The following LRRIQ1 variants were observed in gnomAD, a reference collection of about 807,000 sequenced individuals.
LRRIQ1 encodes leucine-rich repeat- and IQ domain-containing protein 1.
LRRIQ1 carries 210 observed loss-of-function variants against 211.9 expected under a neutral mutation model. The ratio of observed to expected loss-of-function variants is 0.99; its 90% CI spans 0.89 to 1.11. The LOEUF is 1.11. LRRIQ1 is among the 50% of genes most tolerant of loss of function. LRRIQ1 has a pLI of 0.00. For synonymous variants in LRRIQ1, 699 were observed against 650.1 expected (o/e 1.08, Z -1.14); for missense variants, 2,136 against 1,939.5 (o/e 1.10, Z -1.90).
intron 24 of LRRIQ1, among the ~76,000 whole-genome samples, chr12:85,192,481 A>G (rs912105956): frequency 2.4e-5 from 3 of 127,634 alleles, no homozygotes; most frequent in African/African-American, 8.9e-5. Context: ...ATAAATATAT[A>G]TAGTTATATA....
intron 25 of LRRIQ1, 81 bp downstream of exon 25, chr12:85,229,730 C>T: frequency 9.1e-6 from 13 of 1,423,134 alleles, no homozygotes; most frequent in Non-Finnish European, 1.3e-5. Flanking sequence ...TGTGCTAAAA[C>T]AAACATGACT....
rs1895971153 is a variant in LRRIQ1, at chr12:85,252,384, A to G, written c.121+7475A>G. On this transcript the variant is annotated intron_variant, in intron 1 of 1. Coordinates refer to the LRRIQ1 transcript ENST00000602731. ...ACTTTTTAGGAAAATGTTGTTTGTA[A>G]TTGAAAATTAAAGACGCTGAGGAAG... 6.6e-5 allele frequency among the ~76,000 whole-genome samples: 10 copies of G among 152,050 alleles called. No homozygotes were observed. In the South Asian group the frequency reaches 2.1e-3, roughly 32 times the overall value.
chr12:85,125,625 A>G (rs1355237663), intron 17 of LRRIQ1, among the ~76,000 whole-genome samples: 1 of 152,118 alleles, frequency 6.6e-6, no homozygotes, highest in Non-Finnish European at 1.5e-5. Context: ...GTAAAGAGTA[A>G]TTTTTATTAC....
chr12:85,128,132 A>T, intron 18 of LRRIQ1, 99 bp downstream of exon 18: 1 of 914,154 alleles, frequency 1.1e-6, no homozygotes, highest in South Asian at 1.6e-5. Flanking sequence ...CTCAGTGATT[A>T]CAGTTATGTA....
Position 85,172,264 on chromosome 12 carries a change from C to A in LRRIQ1, c.4822+11550C>A, listed in dbSNP as rs575883566. Among the ~76,000 whole-genome samples, 11 of 152,258 alleles carry A rather than the reference C, an allele frequency of 7.2e-5. No homozygotes were observed. The East Asian group carries it at 1.9e-3, about 27-fold the overall frequency. ...CTGTATCAGGTACCCCCCTACCTGT[C>A]TCATAGGACACTCTGTATTTCTGGA... On this transcript the variant is annotated intron_variant, in intron 24 of 26. Coordinates refer to ENST00000393217, the MANE Select transcript of LRRIQ1 (RefSeq NM_001079910.2).
intron 1 of LRRIQ1, among the ~76,000 whole-genome samples, chr12:85,253,715 C>T (rs1304869888): frequency 1.3e-5 from 2 of 151,824 alleles, no homozygotes. Context: ...CACAAATGGA[C>T]ACACACACAC....
At chr12:85,128,335 C>G (rs558207325) in intron 18 of LRRIQ1, among the ~76,000 whole-genome samples, 1 of 152,114 alleles carries the variant, frequency 6.6e-6, no homozygotes, top group Non-Finnish European at 1.5e-5. Context: ...TGTGGTGGCT[C>G]AAGCCTGTAA....
At chr12:85,095,405 G>T (rs1255226475) in intron 11 of LRRIQ1, among the ~76,000 whole-genome samples, 1 of 152,052 alleles carries the variant, frequency 6.6e-6, no homozygotes, top group African/African-American at 2.4e-5. Context: ...TGCTTATGTG[G>T]TGAATTACAT....
chr12:85,041,380 A>G (rs1878863399), intron 3 of LRRIQ1, among the ~76,000 whole-genome samples: 1 of 151,538 alleles, frequency 6.6e-6, no homozygotes, highest in Non-Finnish European at 1.5e-5. Context: ...CAAATATGCA[A>G]TATTTCAATA....
At chr12:85,071,379 C>T (rs994743052) in intron 10 of LRRIQ1, among the ~76,000 whole-genome samples, 18 of 151,720 alleles carry the variant, frequency 1.2e-4, no homozygotes, top group African/African-American at 4.4e-4. Flanking sequence ...ATTATTTTTC[C>T]ATAGCTACTT....
At chr12:85,057,257 TAGAAAA>T in intron 8 of LRRIQ1, 73 bp downstream of exon 8, 1 of 1,080,884 alleles carries the variant, frequency 9.3e-7, no homozygotes, top group Non-Finnish European at 1.3e-6. Flanking sequence ...TTTCAGATCT[TAGAAAA>T]AGAAATATTT....
At chr12:85,066,714 A>T in intron 9 of LRRIQ1, 34 bp from the exon 10 acceptor site, 1 of 1,545,004 alleles carries the variant, frequency 6.5e-7, no homozygotes, top group Non-Finnish European at 8.7e-7. Context: ...TAAGCCATTG[A>T]AATAAAACTA....
At chr12:85,165,810 A>G (rs1177916449) in intron 24 of LRRIQ1, among the ~76,000 whole-genome samples, 2 of 152,046 alleles carry the variant, frequency 1.3e-5, no homozygotes, top group Non-Finnish European at 2.9e-5. Context: ...TCCATGGTAT[A>G]TATGTTCCAC....
At chr12:85,109,478 G>T (rs1390103382) in intron 15 of LRRIQ1, among the ~76,000 whole-genome samples, 1 of 152,066 alleles carries the variant, frequency 6.6e-6, no homozygotes, top group African/African-American at 2.4e-5. Context: ...GGGAAATCTG[G>T]CATGTTTCCA....
chr12:85,066,788 A>G lies in LRRIQ1; in HGVS notation c.2585A>G (p.Asn862Ser). 6.3e-7 allele frequency: 1 copy of G among 1,598,362 alleles called. No homozygotes were observed. Among genetic ancestry groups the G allele is most frequent in the South Asian group, 1.1e-5 (1 of 88,662 alleles). Reference sequence around the variant, plus strand: ...GCTATTGAGTGTGAAAATTTGGAAAATCTCTGTGTTGTTCTTCTTAATAAA... The same window carrying G: ...GCTATTGAGTGTGAAAATTTGGAAAGTCTCTGTGTTGTTCTTCTTAATAAA... The part of the protein sequence containing the change: ...IEAIECENLE[N>S]LCVVLLNKNQ... The change falls in exon 10 of 27, where the codon AAT becomes AGT. Residue 862 changes from asparagine to serine, a missense_variant. By Grantham distance (46) the Asn-to-Ser change is conservative. Transcript: ENST00000393217.
At position 85,098,424 on chromosome 12, in the gene LRRIQ1, G is replaced by A. The variant is rs757632531; in HGVS notation, c.2957G>A (p.Gly986Asp). 6.8e-6 allele frequency: 11 copies of A among 1,610,116 alleles called. No homozygotes were observed. Among genetic ancestry groups the A allele is most frequent in the Middle Eastern group, 1.6e-4 (1 of 6,064 alleles). Residue 986 changes from glycine (G) to aspartate (D), a missense_variant, in exon 12 of 27, where the codon GGT (glycine) becomes GAT (aspartate). By Grantham distance (94) the Gly-to-Asp change is moderately conservative. Transcript: ENST00000393217. ...CACAATCAGTTAATTAATACAAAAG[G>A]TCTTTGTGATACACCTACCATTGTA... The part of the protein sequence containing the change: ...LDHNQLINTK[G>D]LCDTPTIVYL...
intron 1 of LRRIQ1, among the ~76,000 whole-genome samples, chr12:85,259,412 A>G (rs897722347): frequency 6.6e-6 from 1 of 152,024 alleles, no homozygotes. Context: ...TAATCATAGG[A>G]CAAAGTAATG....
chr12:85,236,829 G>GTATATATATATATATATATATATATA (rs1565921248), intron 26 of LRRIQ1, among the ~76,000 whole-genome samples: 4 of 60,478 alleles, frequency 6.6e-5, no homozygotes, highest in African/African-American at 4.9e-4. Flanking sequence ...GTGTATGTGT[G>GTATATATATATATATATATATATATA]CATATATATA....
chr12:85,195,347 A>G (rs958644234), intron 24 of LRRIQ1, among the ~76,000 whole-genome samples: 2 of 151,360 alleles, frequency 1.3e-5, no homozygotes, highest in African/African-American at 4.9e-5. Context: ...TTCTGATACC[A>G]AAGCCAGGCA....
Sources: allele counts gnomAD v4.1 joint callset (sites outside exome capture counted in the v4.1 genomes callset), GRCh38; gene constraint gnomAD v4.1.1; transcripts MANE v1.5; gene names NCBI Gene and HGNC (gene_info 2026-07-23, HGNC 2026-07-21).